Variants in PGLYRP4 observed in about 807,000 individuals in gnomAD.
PGLYRP4 encodes the protein PGRP-I-beta.
Under a neutral mutation model 41.2 loss-of-function variants are expected in PGLYRP4, and 39 were observed. That is an observed-to-expected ratio of 0.95 (90% CI 0.73 to 1.24). The LOEUF (loss-of-function observed/expected upper bound fraction) is 1.24. PGLYRP4 is among the 50% of genes most tolerant of loss of function. The pLI is 0.00. For synonymous variants in PGLYRP4, 202 were observed against 186.8 expected (o/e 1.08, Z -0.66); for missense variants, 467 against 460.7 (o/e 1.01, Z -0.13).
At chr1:153,345,890 C>A (rs1364452436) in intron 3 of PGLYRP4, among the ~76,000 whole-genome samples, 3 of 152,190 alleles carry the variant, frequency 2.0e-5, no homozygotes, top group Admixed American at 2.0e-4. Context: ...GCTGTTTCCC[C>A]TCTTCCTGGG....
At chr1:153,343,017 G>T in intron 5 of PGLYRP4, 73 bp downstream of exon 5, 1 of 854,054 alleles carries the variant, frequency 1.2e-6, no homozygotes, top group Non-Finnish European at 2.0e-6. Context: ...CAGATAGCTA[G>T]TTCCCATGAA....
At chr1:153,342,435 G>A (rs1660838515) in intron 5 of PGLYRP4, among the ~76,000 whole-genome samples, 1 of 152,184 alleles carries the variant, frequency 6.6e-6, no homozygotes, top group Admixed American at 6.5e-5. Flanking sequence ...CACAACAGGG[G>A]TCATGAAATC....
chr1:153,334,486 A>ATATATATATT (rs1164449371), intron 8 of PGLYRP4, among the ~76,000 whole-genome samples: 1 of 146,798 alleles, frequency 6.8e-6, no homozygotes, highest in East Asian at 2.0e-4. Flanking sequence ...ATTTATATAT[A>ATATATATATT]TATACACCAA....
At chr1:153,340,875 A>G (rs1024758643) in intron 6 of PGLYRP4, among the ~76,000 whole-genome samples, 21 of 152,246 alleles carry the variant, frequency 1.4e-4, no homozygotes, top group African/African-American at 5.1e-4. Context: ...GATCAAATTT[A>G]CTCAAGGCTT....
chr1:153,339,951 G>A (rs764194262), intron 7 of PGLYRP4, among the ~76,000 whole-genome samples: 8 of 152,202 alleles, frequency 5.3e-5, no homozygotes, highest in Non-Finnish European at 8.8e-5. Flanking sequence ...AAGCAGCACG[G>A]GTCTACCATG....
chr1:153,345,481 A>G, intron 3 of PGLYRP4, 99 bp from the exon 4 acceptor site: 1 of 1,068,468 alleles, frequency 9.4e-7, no homozygotes, highest in South Asian at 1.4e-5. Context: ...TGGTAGTGGA[A>G]GAGCCTTCAG....
At chr1:153,338,492 TC>T (rs750575419) in intron 7 of PGLYRP4, among the ~76,000 whole-genome samples, 2 of 152,312 alleles carry the variant, frequency 1.3e-5, no homozygotes, top group Non-Finnish European at 2.9e-5. Flanking sequence ...TCTTACTATG[TC>T]AAAACCCTGT....
intron 2 of PGLYRP4, 78 bp downstream of exon 2, chr1:153,347,806 G>A (rs951809128): frequency 8.5e-6 from 9 of 1,055,182 alleles, no homozygotes; most frequent in Non-Finnish European, 1.3e-5. Context: ...ATGGACAGTA[G>A]GTATTTTTTA....
At chr1:153,346,268 C>T in intron 2 of PGLYRP4, 77 bp from the exon 3 acceptor site, 2 of 1,049,078 alleles carry the variant, frequency 1.9e-6, no homozygotes, top group Non-Finnish European at 3.0e-6. Context: ...TGAACAGAAA[C>T]AGCCATCCCC....
Position 153,330,565 on chromosome 1 carries a change from G to T in PGLYRP4, c.*202C>A. On this transcript the variant is annotated 3_prime_UTR_variant, in exon 9 of 9. Transcript: ENST00000359650. ...AGAAATCTGGACTCAGACTCAGAGG[G>T]CTGTGAATGTCCAGCTATGAGGTTT... The T allele has an allele frequency of 2.3e-6, 1 of 433,352 alleles. No individual in the cohort carries two copies. Among genetic ancestry groups the T allele is most frequent in the East Asian group, 3.4e-5 (1 of 29,818 alleles). 26.8% of individuals were successfully genotyped at this position (433,352 alleles called of 1,614,324 possible).
At chr1:153,345,765 C>T (rs774963759) in intron 3 of PGLYRP4, among the ~76,000 whole-genome samples, 2 of 152,216 alleles carry the variant, frequency 1.3e-5, no homozygotes, top group Non-Finnish European at 2.9e-5. Flanking sequence ...TCTGAGTGTT[C>T]CCTGAGGGGA....
At chr1:153,338,883 T>TCTTTCTTAGTTCCATA (rs1660678213) in intron 7 of PGLYRP4, among the ~76,000 whole-genome samples, 1 of 152,238 alleles carries the variant, frequency 6.6e-6, no homozygotes, top group Admixed American at 6.5e-5. Context: ...ACTTATTTGT[T>TCTTTCTTAGTTCCATA]TGAATTACTT....
rs964050689 is a variant in PGLYRP4, at chr1:153,348,538, G to C, written c.-57C>G. The C allele has an allele frequency of 6.5e-6, 1 of 152,698 alleles. No individual in the cohort carries two copies. Among genetic ancestry groups the C allele is most frequent in the African/African-American group, 2.4e-5 (1 of 41,456 alleles). The allele number at this position is 152,698 out of a possible 1,614,324, so 9.5% of individuals were successfully genotyped here. A position where few individuals can be genotyped will look rare whatever the true frequency, so the allele number is the denominator to read the frequency against. Reference sequence around the variant, plus strand: ...ACATACTCAACTCACAGATATCTGTGGGTCCTGTGCTGTCCCAGCCCAGCA... The same window carrying C: ...ACATACTCAACTCACAGATATCTGTCGGTCCTGTGCTGTCCCAGCCCAGCA... On this transcript the variant is annotated 5_prime_UTR_variant, in exon 1 of 9. Coordinates refer to ENST00000359650, the MANE Select transcript of PGLYRP4 (RefSeq NM_020393.4).
Position 153,331,009 on chromosome 1 carries a change from C to T in PGLYRP4, c.944-64G>A, listed in dbSNP as rs1007812869. 8 of 1,364,222 alleles carry T rather than the reference C, an allele frequency of 5.9e-6. No homozygotes were observed. The African/African-American group carries it at 8.6e-5, about 15-fold the overall frequency. The allele number at this position is 1,364,222 out of a possible 1,614,324, so 84.5% of individuals were successfully genotyped here. A position where few individuals can be genotyped will look rare whatever the true frequency, so the allele number is the denominator to read the frequency against. On this transcript the variant is annotated intron_variant, in intron 8 of 8. Transcript: ENST00000359650. ...GGCACCCTGCAAAATAGAACATATC[C>T]CCAGAACCCACCCTCATCACCAAGC...
chr1:153,340,447 C>T lies in PGLYRP4; in HGVS notation c.758G>A (p.Arg253His), dbSNP rs1027033500. 15 of 1,614,002 alleles carry T rather than the reference C, an allele frequency of 9.3e-6. No homozygotes were observed. Among genetic ancestry groups the T allele is most frequent in the East Asian group, 2.2e-5 (1 of 44,898 alleles). ...AGACTGGATGTCCCGGACCAGCAGG[C>T]GGCACTCATCAGAAATGTTGCAGGT... ...GRTCNISDEC[R>H]LLVRDIQSFY... The change falls in exon 7 of 9, where the codon CGC (arginine) becomes CAC (histidine). Residue 253 changes from arginine (R) to histidine (H), a missense_variant. Physicochemically the swap from Arg to His is conservative, Grantham distance 29. Transcript: ENST00000359650.
intron 4 of PGLYRP4, among the ~76,000 whole-genome samples, chr1:153,344,080 G>C (rs947334643): frequency 2.6e-5 from 4 of 152,256 alleles, no homozygotes; most frequent in African/African-American, 9.6e-5. Flanking sequence ...AGATAAGCAC[G>C]ACAAAGACAC....
intron 8 of PGLYRP4, among the ~76,000 whole-genome samples, chr1:153,335,884 C>T (rs1259362492): frequency 6.6e-6 from 1 of 152,056 alleles, no homozygotes; most frequent in East Asian, 1.9e-4. Flanking sequence ...CCATTTGATT[C>T]AGCAATCCAA....
At chr1:153,333,087 C>CA (rs1001847248) in intron 8 of PGLYRP4, among the ~76,000 whole-genome samples, 39 of 142,434 alleles carry the variant, frequency 2.7e-4, no homozygotes, top group African/African-American at 7.2e-4. Context: ...TATATGAGAC[C>CA]AAAAAAAAAG....
chr1:153,347,858 T>G (rs3006457), intron 2 of PGLYRP4, 26 bp downstream of exon 2: 2 of 1,576,260 alleles, frequency 1.3e-6, no homozygotes, highest in Non-Finnish European at 1.7e-6. Context: ...CTCGGTTGCT[T>G]TTTGGCCCAG....
Sources: allele counts gnomAD v4.1 joint callset (sites outside exome capture counted in the v4.1 genomes callset), GRCh38; gene constraint gnomAD v4.1.1; transcripts MANE v1.5; gene names NCBI Gene and HGNC (gene_info 2026-07-23, HGNC 2026-07-21).